The following TMEM132D variants were observed in gnomAD, a reference collection of about 807,000 sequenced individuals.
TMEM132D encodes mature OL transmembrane protein.
TMEM132D carries 21 observed loss-of-function variants against 62.3 expected under a neutral mutation model. The ratio of observed to expected loss-of-function variants is 0.34; its 90% confidence interval spans 0.24 to 0.49. The LOEUF is 0.49. TMEM132D is among the 20% of genes least tolerant of loss of function. The probability of loss-of-function intolerance (pLI) is 0.99; values close to 1 mark genes in which losing one functional copy is unlikely to be tolerated. For synonymous variants in TMEM132D, 621 were observed against 575.6 expected (o/e 1.08, Z -1.13); for missense variants, 1,346 against 1,402.8 (o/e 0.96, Z 0.65).
chr12:129,789,697 C>T (rs1301320387), intron 1 of TMEM132D, among the ~76,000 whole-genome samples: 1 of 152,172 alleles, frequency 6.6e-6, no homozygotes, highest in African/African-American at 2.4e-5. Context: ...TGGATTAGGT[C>T]AGAGTCCAGA....
At chr12:129,185,424 C>T (rs114523216) in intron 5 of TMEM132D, among the ~76,000 whole-genome samples, 1,566 of 152,108 alleles carry the variant, frequency 0.01, 26 homozygotes, top group African/African-American at 0.036. Context: ...GTTAAATTCC[C>T]GACTAATGTG....
chr12:129,179,411 G>T (rs1219009491), intron 5 of TMEM132D, among the ~76,000 whole-genome samples: 1 of 152,108 alleles, frequency 6.6e-6, no homozygotes, highest in Non-Finnish European at 1.5e-5. Context: ...CCCCAGTTTG[G>T]GAGCCAAGAG....
At chr12:129,157,361 A>G (rs1877278045) in intron 5 of TMEM132D, among the ~76,000 whole-genome samples, 2 of 152,248 alleles carry the variant, frequency 1.3e-5, no homozygotes, top group African/African-American at 4.8e-5. Flanking sequence ...AAACTAGAGC[A>G]CATCCTATTA....
chr12:129,379,147 G>A lies in TMEM132D; in HGVS notation c.1116-41330C>T, dbSNP rs929180814. Among the ~76,000 whole-genome samples the A allele has an allele frequency of 2.0e-5, 3 of 152,126 alleles. No homozygotes were observed. The East Asian group carries it at 5.8e-4, about 29-fold the overall frequency. The stretch of plus-strand genomic sequence containing the variant: ...AAATACTAGTTAGTCCTGTCTTTCA[G>A]TACTGTTTATTTGAGATCTGAATTT... On this transcript the variant is annotated intron_variant, in intron 3 of 8. Transcript: ENST00000422113.
rs12823113 is a variant in TMEM132D, at chr12:129,166,361, C to A, written c.1443+43159G>T. On this transcript the variant is annotated intron_variant, in intron 5 of 8. Transcript: ENST00000422113. Reference sequence around the variant, plus strand: ...GGCTACTGTTTGACAGGCATGAATGCGGGCGGAGCTCCATCTAAAGGGCCA... The same window carrying A: ...GGCTACTGTTTGACAGGCATGAATGAGGGCGGAGCTCCATCTAAAGGGCCA... 4.2e-4 allele frequency among the ~76,000 whole-genome samples: 15 copies of A among 35,938 alleles called. No individual in the cohort carries two copies. The East Asian group carries it at 5.8e-3, about 14-fold the overall frequency. 23.6% of individuals were successfully genotyped at this position (35,938 alleles called of 152,430 possible).
chr12:129,377,118 C>A lies in TMEM132D; in HGVS notation c.1116-39301G>T, dbSNP rs148133059. Among the ~76,000 whole-genome samples, 172 of 152,210 alleles carry A rather than the reference C, an allele frequency of 1.1e-3. 5 individuals carry two copies. In the East Asian group the frequency reaches 0.03, roughly 26 times the overall value. The stretch of plus-strand genomic sequence containing the variant: ...GTTTACCTTTTTAACAAGTCCTGAC[C>A]TAATGTGACTGGTGACCTTAAAAGA... On this transcript the variant is annotated intron_variant, in intron 3 of 8. Coordinates refer to ENST00000422113, the MANE Select transcript of TMEM132D (RefSeq NM_133448.3).
chr12:129,198,243 G>A (rs758464604), intron 5 of TMEM132D, among the ~76,000 whole-genome samples: 1 of 152,198 alleles, frequency 6.6e-6, no homozygotes, highest in Non-Finnish European at 1.5e-5. Flanking sequence ...AGTCATTATG[G>A]AGAACCATAC....
intron 3 of TMEM132D, among the ~76,000 whole-genome samples, chr12:129,450,535 G>C (rs1237543205): frequency 6.6e-6 from 1 of 152,076 alleles, no homozygotes; most frequent in Non-Finnish European, 1.5e-5. Flanking sequence ...GAAATTTCAA[G>C]TAAGAGTAAA....
intron 5 of TMEM132D, among the ~76,000 whole-genome samples, chr12:129,175,630 C>T (rs1472711352): frequency 6.6e-6 from 1 of 152,126 alleles, no homozygotes; most frequent in Non-Finnish European, 1.5e-5. Context: ...ATCACTTGAA[C>T]CTGGGAGGTG....
intron 3 of TMEM132D, among the ~76,000 whole-genome samples, chr12:129,489,776 A>C (rs555566824): frequency 6.6e-6 from 1 of 152,380 alleles, no homozygotes; most frequent in African/African-American, 2.4e-5. Flanking sequence ...TCATTATTAT[A>C]TAATCCTACC....
chr12:129,295,144 T>C (rs764374103), intron 4 of TMEM132D, among the ~76,000 whole-genome samples: 10 of 152,220 alleles, frequency 6.6e-5, no homozygotes, highest in Non-Finnish European at 1.3e-4. Context: ...TGCCTTTGCA[T>C]GTTACCTGCA....
intron 2 of TMEM132D, among the ~76,000 whole-genome samples, chr12:129,657,778 A>G (rs616037): frequency 0.25 from 37,903 of 152,156 alleles, 5,263 homozygotes; most frequent in African/African-American, 0.37. Context: ...AAACTTAGAC[A>G]CTGGATGTTT....
chr12:129,270,217 G>A (rs975368584), intron 4 of TMEM132D, among the ~76,000 whole-genome samples: 2 of 151,960 alleles, frequency 1.3e-5, no homozygotes, highest in South Asian at 2.1e-4. Flanking sequence ...TATCTCTGCC[G>A]AAAAGGTAAG....
chr12:129,819,071 C>G (rs1872463112), intron 1 of TMEM132D, among the ~76,000 whole-genome samples: 1 of 152,024 alleles, frequency 6.6e-6, no homozygotes, highest in Non-Finnish European at 1.5e-5. Context: ...TGTCCCATCT[C>G]TCTTTTCCTC....
Position 129,337,662 on chromosome 12 carries a change from T to C in TMEM132D, c.1271A>G (p.Asp424Gly), listed in dbSNP as rs2135657929. 3 of 1,613,956 alleles carry C rather than the reference T, an allele frequency of 1.9e-6. No homozygotes were observed. The highest frequency in any genetic ancestry group is 2.5e-6 in the Non-Finnish European group (3 of 1,179,958). The change falls in exon 4 of 9, where the codon GAC becomes GGC. Residue 424 changes from aspartate to glycine, a missense_variant. Asp to Gly is a moderately conservative substitution (Grantham distance 94, BLOSUM62 -1). Coordinates refer to ENST00000422113, the MANE Select transcript of TMEM132D (RefSeq NM_133448.3). ...AGCCAGCGGCACAACTCCAATCAAG[T>C]CCTTTGGGCTCACATAGATCTTGGA... Reference protein sequence around the residue: ...GVSKIYVSPKDLIGVVPLAME... With the variant: ...GVSKIYVSPKGLIGVVPLAME...
At chr12:129,588,695 T>C (rs10773687) in intron 2 of TMEM132D, among the ~76,000 whole-genome samples, 135,961 of 149,984 alleles carry the variant, frequency 0.91, 62,939 homozygotes, top group Non-Finnish European at 1. Context: ...CTGTTTCAGC[T>C]TCCCAAGTAG....
intron 3 of TMEM132D, among the ~76,000 whole-genome samples, chr12:129,470,507 T>C (rs1874062651): frequency 6.6e-6 from 1 of 152,298 alleles, no homozygotes; most frequent in African/African-American, 2.4e-5. Context: ...TTCATCCTCC[T>C]GGTGATTCTC....
intron 2 of TMEM132D, among the ~76,000 whole-genome samples, chr12:129,619,113 T>A (rs1878996152): frequency 6.6e-6 from 1 of 152,178 alleles, no homozygotes. Flanking sequence ...CTTATCAGAC[T>A]TAAGGTCAGA....
intron 1 of TMEM132D, among the ~76,000 whole-genome samples, chr12:129,705,376 ATTC>A (rs1477223972): frequency 2.6e-5 from 4 of 152,242 alleles, no homozygotes; most frequent in Non-Finnish European, 5.9e-5. Flanking sequence ...GTAAAGAGTA[ATTC>A]TATAAGCATT....
Sources: allele counts gnomAD v4.1 joint callset (sites outside exome capture counted in the v4.1 genomes callset), GRCh38; gene constraint gnomAD v4.1.1; transcripts MANE v1.5; gene names NCBI Gene and HGNC (gene_info 2026-07-23, HGNC 2026-07-21).